The following SRM variants were observed in gnomAD, a reference collection of about 807,000 sequenced individuals.
SRM encodes the protein spermidine synthase, also known as putrescine aminopropyltransferase.
In SRM, 14 loss-of-function variants were observed where a neutral mutation model predicts 39.3. That is an observed-to-expected ratio of 0.36 (90% CI 0.24 to 0.56). SRM has a LOEUF of 0.56. Among genes scored for constraint, SRM ranks in the 20% least tolerant of loss-of-function variants. The probability of loss-of-function intolerance (pLI) is 0.86; values close to 1 mark genes in which losing one functional copy is unlikely to be tolerated. For missense variants in SRM, 244 were observed against 409.2 expected (o/e 0.60, Z 3.48); for synonymous variants, 195 against 173.1 (o/e 1.13, Z -0.99).
At chr1:11,059,606 C>T in intron 1 of SRM, 171 bp downstream of exon 1, 1 of 967,878 alleles carries the variant, frequency 1.0e-6, no homozygotes, top group African/African-American at 1.6e-5. Flanking sequence ...CCCAAGAGGC[C>T]AGCCCGCAGT....
rs892295312 is a variant in SRM at position 11,055,193 on chromosome 1, C to G, written c.766-109G>C. 27 of 1,411,698 alleles carry G rather than the reference C, an allele frequency of 1.9e-5. No individual in the cohort carries two copies. In the African/African-American group the frequency reaches 3.5e-4, roughly 18 times the overall value. The allele number at this position is 1,411,698 out of a possible 1,614,324, so 87.4% of individuals were successfully genotyped here. On this transcript the variant is annotated intron_variant, in intron 6 of 7. Coordinates refer to ENST00000376957, the MANE Select transcript of SRM (RefSeq NM_003132.3). ...AGTGCAGTGGCGTCATCTCAGCTCA[C>G]TGCAACCTCTGTCTCCCAGGTTCAA... is the stretch of plus-strand genomic sequence containing the variant.
At chr1:11,059,655 A>AGGG (rs1302375193) in intron 1 of SRM, 122 bp downstream of exon 1, 2 of 1,204,844 alleles carry the variant, frequency 1.7e-6, no homozygotes, top group African/African-American at 1.5e-5. Context: ...AGGGGTGGCG[A>AGGG]GGGGGCCAGG....
intron 1 of SRM, 139 bp downstream of exon 1, chr1:11,059,638 C>A (rs985942268): frequency 1.8e-5 from 19 of 1,081,204 alleles, no homozygotes; most frequent in South Asian, 5.0e-5. Context: ...CCCAGGGAGG[C>A]GGTGTGAGGG....
intron 1 of SRM, 31 bp downstream of exon 1, chr1:11,059,746 G>T: frequency 1.3e-6 from 2 of 1,567,356 alleles, no homozygotes; most frequent in Non-Finnish European, 1.7e-6. Flanking sequence ...GCTGAGCCTA[G>T]GGGGCAGGCG....
intron 6 of SRM, 23 bp downstream of exon 6, chr1:11,055,758 A>ACAC: frequency 4.0e-6 from 3 of 748,298 alleles, no homozygotes; most frequent in South Asian, 1.5e-5. Context: ...CCCAACCCCC[A>ACAC]CCCCCAGACA....
chr1:11,055,704 C>T (rs571997561), intron 6 of SRM, 77 bp downstream of exon 6: 111 of 1,463,948 alleles, frequency 7.6e-5, no homozygotes, highest in Non-Finnish European at 9.8e-5. Context: ...TGTGAGCCAC[C>T]GCGCCCGGCA....
Position 11,054,868 on chromosome 1 carries a change from G to A in SRM, c.906C>T (p.Ser302=). The A allele has an allele frequency of 6.2e-7, 1 of 1,608,586 alleles. No homozygotes were observed. Among genetic ancestry groups the A allele is most frequent in the Non-Finnish European group, 8.5e-7 (1 of 1,177,728 alleles). ...GCATCAGTGGTGGCGCCTGGGCTCA[G>A]CTCACATCATTCAGGGCCTGGAGGG... The part of the protein sequence containing the change: ...EFARKALNDV[S] Residue 302 remains serine (S), a synonymous_variant, in exon 8 of 8, where the codon AGC becomes AGT. Transcript: ENST00000376957. The surrounding 1 kb of genome is among the most constrained non-coding windows in gnomAD (Gnocchi z 4.8).
At chr1:11,056,582 C>G (rs759464128) in intron 4 of SRM, 22 bp downstream of exon 4, 3 of 1,613,400 alleles carry the variant, frequency 1.9e-6, no homozygotes, top group Non-Finnish European at 2.5e-6. Context: ...CCAGAAAACC[C>G]TGGGGCCCAT....
At chr1:11,056,824 TG>T in intron 3 of SRM, 67 bp from the exon 4 acceptor site, 1 of 1,575,482 alleles carries the variant, frequency 6.3e-7, no homozygotes, top group East Asian at 2.2e-5. Flanking sequence ...CACAGCCACG[TG>T]GGACTCTCCA....
chr1:11,054,691 C>CA lies in SRM; in HGVS notation c.*173dup, dbSNP rs1638836243. ...GCTTGGAGGTGGAACGCCAGAGAGA[C>CA]AGACACACAGACAGTCCGCCCAGCA... On this transcript the variant is annotated 3_prime_UTR_variant, in exon 8 of 8. Transcript: ENST00000376957. The surrounding 1 kb of genome is among the most constrained non-coding windows in gnomAD (Gnocchi z 4.8). 7.6e-6 allele frequency: 7 copies of CA among 915,788 alleles called. No individual in the cohort carries two copies. The highest frequency in any genetic ancestry group is 8.0e-6 in the Non-Finnish European group (5 of 626,334). 56.7% of individuals were successfully genotyped at this position (915,788 alleles called of 1,614,324 possible). A position where few individuals can be genotyped will look rare whatever the true frequency, so the allele number is the denominator to read the frequency against.
At chr1:11,059,467 G>A (rs1455806478) in intron 1 of SRM, 122 bp from the exon 2 acceptor site, 1 of 1,496,888 alleles carries the variant, frequency 6.7e-7, no homozygotes, top group African/African-American at 1.4e-5. Context: ...GAGGAGCGAT[G>A]GTGACACGTG....
chr1:11,059,229 C>T lies in SRM; in HGVS notation c.284G>A (p.Arg95Gln), dbSNP rs762195992. ...NLPLCSHPNP[R>Q]KVLIIGGGDG... The stretch of plus-strand genomic sequence containing the variant: ...TTCCAGGGGACACTGGGGTACCTTT[C>T]GCGGGTTGGGGTGGCTGCAGAGAGG... The change falls in exon 2 of 8, where the codon CGA (arginine) becomes CAA (glutamine). Residue 95 changes from arginine to glutamine, a missense_variant. Transcript: ENST00000376957. 5.0e-6 allele frequency: 8 copies of T among 1,613,454 alleles called. No individual in the cohort carries two copies. The highest frequency in any genetic ancestry group is 6.8e-6 in the Non-Finnish European group (8 of 1,179,972).
At position 11,059,785 on chromosome 1, in the gene SRM, G is replaced by A. The variant is rs376503264; in HGVS notation, c.159C>T (p.Val53=). The change falls in exon 1 of 8, where the codon GTC becomes GTT. Residue 53 remains valine, a synonymous_variant. Coordinates refer to ENST00000376957, the MANE Select transcript of SRM (RefSeq NM_003132.3). Reference sequence around the variant, plus strand: ...GCGGGCAGCGGCGGTACCTGCGGAAGACGAGGATGTCCTGGTAGCGCGAGC... The same window carrying A: ...GCGGGCAGCGGCGGTACCTGCGGAAAACGAGGATGTCCTGGTAGCGCGAGC... ...HRRSRYQDIL[V]FRSKTYGNVL... 980 of 1,580,072 alleles carry A rather than the reference G, an allele frequency of 6.2e-4. 4 individuals are homozygous for A. The African/African-American group carries it at 0.012, about 20-fold the overall frequency.
chr1:11,059,361 C>T lies in SRM; in HGVS notation c.168-16G>A. 2 of 1,612,184 alleles carry T rather than the reference C, an allele frequency of 1.2e-6. No individual in the cohort carries two copies. Among genetic ancestry groups the T allele is most frequent in the Non-Finnish European group, 1.7e-6 (2 of 1,178,894 alleles). On this transcript the variant is annotated splice_polypyrimidine_tract_variant and intron_variant, in intron 1 of 7. Transcript: ENST00000376957. ...ATAGGTCTTACTGCGGGCGGAGTGA[C>T]AGTCGGGGACCTGGGTTCTCTGGGG...
intron 2 of SRM, 132 bp downstream of exon 2, chr1:11,059,093 C>A (rs1438039787): frequency 6.6e-7 from 1 of 1,512,442 alleles, no homozygotes; most frequent in South Asian, 1.2e-5. Flanking sequence ...TGTCGGCCCC[C>A]ACCCCTCCGC....
intron 6 of SRM, among the ~76,000 whole-genome samples, chr1:11,055,550 G>T (rs1254126746): frequency 6.6e-6 from 1 of 152,062 alleles, no homozygotes; most frequent in Non-Finnish European, 1.5e-5. Flanking sequence ...CAGCAGCTGG[G>T]ACTACAGGCG....
chr1:11,055,982 C>T (rs748379929), intron 5 of SRM, 29 bp downstream of exon 5: 34 of 1,597,668 alleles, frequency 2.1e-5, no homozygotes, highest in Non-Finnish European at 2.7e-5. Flanking sequence ...CACCCCGCCC[C>T]GCCCCAGTGC....
Position 11,054,595 on chromosome 1 carries a change from A to C in SRM, c.*270T>G. On this transcript the variant is annotated 3_prime_UTR_variant, in exon 8 of 8. Transcript: ENST00000376957. The surrounding 1 kb of genome is among the most constrained non-coding windows in gnomAD (Gnocchi z 4.8). ...GAGACACAGGACTCCAATCTTTGCT[A>C]TAAATACACGTGTTTGGTGAGTGAG... 15 of 472,672 alleles carry C rather than the reference A, an allele frequency of 3.2e-5. No homozygotes were observed. The highest frequency in any genetic ancestry group is 3.7e-5 in the Non-Finnish European group (10 of 268,986). 29.3% of individuals were successfully genotyped at this position (472,672 alleles called of 1,614,324 possible).
chr1:11,055,060 G>C lies in SRM; in HGVS notation c.790C>G (p.Gln264Glu), dbSNP rs777698283. ...GCCACCTGCTGCTGTGTCAGCGGCTGCACCGGCTCCTGGAAGTTCGTGCTC... is the reference window on the plus strand; with the variant it reads ...GCCACCTGCTGCTGTGTCAGCGGCTCCACCGGCTCCTGGAAGTTCGTGCTC... ...NPSTNFQEPV[Q>E]PLTQQQVAQM... is the part of the protein sequence containing the mutation. The change falls in exon 7 of 8, where the codon CAG becomes GAG. Residue 264 changes from glutamine (Q) to glutamate (E), a missense_variant. By Grantham distance (29) the Gln-to-Glu change is conservative. Transcript: ENST00000376957. The C allele has an allele frequency of 6.2e-7, 1 of 1,611,116 alleles. No homozygotes were observed. The highest frequency in any genetic ancestry group is 8.5e-7 in the Non-Finnish European group (1 of 1,178,982).
Sources: gnomAD v4.1 joint callset for allele counts (sites outside exome capture counted in the v4.1 genomes callset) on GRCh38, gnomAD v4.1.1 for gene constraint, Gnocchi (gnomAD v3.1) non-coding constraint, MANE v1.5 for transcripts, NCBI Gene and HGNC (gene_info 2026-07-23, HGNC 2026-07-21) for gene names.